Variants in MAN1A2 observed in about 807,000 individuals in gnomAD.
The protein encoded by MAN1A2 is mannosidase alpha class 1A member 2.
In MAN1A2, 26 loss-of-function variants were observed where a neutral mutation model predicts 75.7. The observed-to-expected ratio is 0.34, with a 90% CI of 0.25 to 0.48. The LOEUF (loss-of-function observed/expected upper bound fraction) is 0.48. Among genes scored for constraint, MAN1A2 ranks in the 20% least tolerant of loss-of-function variants. The pLI is 0.99. For synonymous variants in MAN1A2, 247 were observed against 264.6 expected (o/e 0.93, Z 0.65); for missense variants, 562 against 775.5 (o/e 0.72, Z 3.27).
intron 1 of MAN1A2, among the ~76,000 whole-genome samples, chr1:117,381,323 C>G (rs867948372): frequency 2.6e-5 from 4 of 152,120 alleles, no homozygotes; most frequent in African/African-American, 9.7e-5. Flanking sequence ...TCTCCTAATG[C>G]TATCCTTCCC....
intron 6 of MAN1A2, among the ~76,000 whole-genome samples, chr1:117,448,157 T>C (rs1442701754): frequency 6.6e-6 from 1 of 152,158 alleles, no homozygotes; most frequent in African/African-American, 2.4e-5. Context: ...GCTCTATTCC[T>C]GAATATTTTA....
At chr1:117,454,665 G>T (rs1014307140) in intron 6 of MAN1A2, among the ~76,000 whole-genome samples, 2 of 152,110 alleles carry the variant, frequency 1.3e-5, no homozygotes, top group Non-Finnish European at 1.5e-5. Flanking sequence ...ACACAAAGAA[G>T]GGAAGGGCAC....
At chr1:117,470,813 T>TA (rs1444382187) in intron 8 of MAN1A2, among the ~76,000 whole-genome samples, 1 of 152,000 alleles carries the variant, frequency 6.6e-6, no homozygotes, top group Admixed American at 6.6e-5. Context: ...TATTTATAAA[T>TA]AGTCTGCAAA....
rs139778334 is a variant in MAN1A2 at position 117,482,073 on chromosome 1, G to GTA, written c.1169-11062_1169-11061dup. ...TTATATGGCCCACTAGCTTAGAATG[G>GTA]TATATATATATATGTTCTAGGGTAC... On this transcript the variant is annotated intron_variant, in intron 8 of 12. Transcript: ENST00000356554. Among the ~76,000 whole-genome samples the GTA allele has an allele frequency of 8.0e-3, 1,212 of 151,292 alleles. 21 individuals are homozygous for GTA. Among genetic ancestry groups the GTA allele is most frequent in the African/African-American group, 0.028 (1,152 of 41,306 alleles).
chr1:117,368,521 G>C (rs1323821469), intron 1 of MAN1A2, 36 bp downstream of exon 1: 1 of 1,537,486 alleles, frequency 6.5e-7, no homozygotes, highest in Non-Finnish European at 8.8e-7. Flanking sequence ...ACTAACATTT[G>C]GCAGAGCAAG....
At chr1:117,395,557 A>C (rs1229142664) in intron 1 of MAN1A2, among the ~76,000 whole-genome samples, 2 of 152,222 alleles carry the variant, frequency 1.3e-5, no homozygotes, top group Admixed American at 1.3e-4. Flanking sequence ...AGGATCAGGG[A>C]TGTGTTGAAG....
At chr1:117,493,450 T>G in intron 9 of MAN1A2, 188 bp downstream of exon 9, 1 of 429,556 alleles carries the variant, frequency 2.3e-6, no homozygotes, top group Non-Finnish European at 4.1e-6. Context: ...TAAGTCTTCT[T>G]TTATTTGTGA....
chr1:117,379,672 G>A (rs1653267949), intron 1 of MAN1A2, among the ~76,000 whole-genome samples: 1 of 152,128 alleles, frequency 6.6e-6, no homozygotes, highest in East Asian at 1.9e-4. Flanking sequence ...ACAACCATCA[G>A]TCTGCTGTTT....
intron 5 of MAN1A2, among the ~76,000 whole-genome samples, chr1:117,431,202 GGAGGGGGA>G: frequency 1.1e-4 from 2 of 18,962 alleles, no homozygotes; most frequent in Non-Finnish European, 3.6e-4. Flanking sequence ...AGAGGGAGGG[GGAGGGGGA>G]GGGGGAGGGG....
intron 1 of MAN1A2, among the ~76,000 whole-genome samples, chr1:117,372,791 A>AT (rs139509107): frequency 0.12 from 18,570 of 151,190 alleles, 1,217 homozygotes; most frequent in Non-Finnish European, 0.14. Flanking sequence ...ATATAATGGC[A>AT]TTTATAGATG....
chr1:117,406,004 A>G (rs1005519426), intron 3 of MAN1A2, among the ~76,000 whole-genome samples: 4 of 152,004 alleles, frequency 2.6e-5, no homozygotes, highest in African/African-American at 4.8e-5. Context: ...GAGGGGAGGG[A>G]TAGGAAATTC....
chr1:117,470,392 G>T (rs907602249), intron 8 of MAN1A2, among the ~76,000 whole-genome samples: 2 of 152,076 alleles, frequency 1.3e-5, no homozygotes, highest in African/African-American at 2.4e-5. Context: ...GAAATAGGTA[G>T]TGGTGATGGT....
At position 117,526,406 on chromosome 1, in the gene MAN1A2, A is replaced by G. The variant is rs1324829395; in HGVS notation, c.*3449A>G. The G allele has an allele frequency of 6.6e-6, 1 of 151,792 alleles. No individual in the cohort carries two copies. Among genetic ancestry groups the G allele is most frequent in the African/African-American group, 2.4e-5 (1 of 41,408 alleles). 9.4% of individuals were successfully genotyped at this position (151,792 alleles called of 1,614,324 possible). ...CATATAAATTAAAGAGGAAAAAGAA[A>G]AGGTTTATAATATATTTTAAAACAA... On this transcript the variant is annotated 3_prime_UTR_variant, in exon 13 of 13. Transcript: ENST00000356554.
rs752243525 is a variant in MAN1A2, at chr1:117,420,625, A to G, written c.831A>G (p.Ala277=). Residue 277 remains alanine (A), a synonymous_variant, in exon 5 of 13, where the codon GCA becomes GCG. Coordinates refer to ENST00000356554, the MANE Select transcript of MAN1A2 (RefSeq NM_006699.5). ...TTCGATTTATTGGAGGCCTACTTGC[A>G]GCATATTACCTATCAGGAGAGGAGG... ...VNIRFIGGLL[A]AYYLSGEEIF... 5 of 1,612,828 alleles carry G rather than the reference A, an allele frequency of 3.1e-6. No homozygotes were observed. In the African/African-American group the frequency reaches 5.3e-5, roughly 17 times the overall value.
Position 117,493,187 on chromosome 1 carries a change from A to G in MAN1A2, c.1209A>G (p.Glu403=). ...SVGGLGDSFY[E]YLLKAWLMSD... is the part of the protein sequence containing the mutation. ...GTGGCCTGGGAGACAGTTTTTATGA[A>G]TACTTACTGAAAGCATGGTTGATGT... Residue 403 remains glutamate, a synonymous_variant, in exon 9 of 13, where the codon GAA becomes GAG. Coordinates refer to ENST00000356554, the MANE Select transcript of MAN1A2 (RefSeq NM_006699.5). The G allele has an allele frequency of 6.2e-7, 1 of 1,612,348 alleles. No individual in the cohort carries two copies. Among genetic ancestry groups the G allele is most frequent in the Non-Finnish European group, 8.5e-7 (1 of 1,179,004 alleles).
intron 11 of MAN1A2, among the ~76,000 whole-genome samples, chr1:117,501,779 A>T (rs1651209380): frequency 6.6e-6 from 1 of 151,792 alleles, no homozygotes; most frequent in Non-Finnish European, 1.5e-5. Flanking sequence ...TTTTCATAGG[A>T]AGGAGAAGCC....
At chr1:117,405,519 A>G (rs1249490706) in intron 2 of MAN1A2, 30 bp from the exon 3 acceptor site, 3 of 1,357,808 alleles carry the variant, frequency 2.2e-6, no homozygotes, top group East Asian at 2.3e-5. Context: ...AAAAATTTAA[A>G]TTGATGGATT....
intron 5 of MAN1A2, among the ~76,000 whole-genome samples, chr1:117,429,092 CAT>C (rs1240793060): frequency 1.4e-5 from 2 of 147,888 alleles, no homozygotes; most frequent in African/African-American, 2.5e-5. Flanking sequence ...GGACACAGCA[CAT>C]GTTTCAGGGA....
rs1453503732 is a variant in MAN1A2, at chr1:117,528,490, T to C, written c.*5533T>C. The C allele has an allele frequency of 1.3e-5, 2 of 152,126 alleles. No individual in the cohort carries two copies. Among genetic ancestry groups the C allele is most frequent in the Non-Finnish European group, 2.9e-5 (2 of 68,006 alleles). The allele number at this position is 152,126 out of a possible 1,614,324, so 9.4% of individuals were successfully genotyped here. A position where few individuals can be genotyped will look rare whatever the true frequency, so the allele number is the denominator to read the frequency against. On this transcript the variant is annotated 3_prime_UTR_variant, in exon 13 of 13. Coordinates refer to ENST00000356554, the MANE Select transcript of MAN1A2 (RefSeq NM_006699.5). ...ATATTAATATGCAGAGGATTTTAAA[T>C]AATTGCAAATGTCTTGTGGCTGTTT...
Sources: allele counts gnomAD v4.1 joint callset (sites outside exome capture counted in the v4.1 genomes callset), GRCh38; gene constraint gnomAD v4.1.1; transcripts MANE v1.5; gene names NCBI Gene and HGNC (gene_info 2026-07-23, HGNC 2026-07-21).